The following TBXAS1 variants were observed in gnomAD, a reference collection of about 807,000 sequenced individuals.
The protein encoded by TBXAS1 is thromboxane A synthase 1, also known as thromboxane-A synthase.
In TBXAS1, 48 loss-of-function variants were observed where a neutral mutation model predicts 60.7. The observed-to-expected ratio is 0.79, with a 90% CI of 0.63 to 1.01. The LOEUF (loss-of-function observed/expected upper bound fraction) is 1.01, where lower values mean the gene tolerates loss of function less well. Ranked by LOEUF, TBXAS1 falls within the 50% of genes least tolerant of loss-of-function variation. The pLI is 0.00. For synonymous variants in TBXAS1, 287 were observed against 269.7 expected (o/e 1.06, Z -0.63); for missense variants, 685 against 686.3 (o/e 1.00, Z 0.02).
At chr7:139,940,196 T>A (rs1473222448) in intron 5 of TBXAS1, among the ~76,000 whole-genome samples, 1 of 152,150 alleles carries the variant, frequency 6.6e-6, no homozygotes, top group East Asian at 1.9e-4. Context: ...TAAGCCATGG[T>A]GTAGACAGGA....
Position 139,911,306 on chromosome 7 carries a change from C to T in TBXAS1, c.318C>T (p.Asn106=). 6.2e-7 allele frequency: 1 copy of T among 1,614,036 alleles called. No homozygotes were observed. The highest frequency in any genetic ancestry group is 8.5e-7 in the Non-Finnish European group (1 of 1,179,914). Residue 106 remains asparagine (N), a synonymous_variant, in exon 4 of 13, where the codon AAC becomes AAT. Coordinates refer to ENST00000448866, the MANE Select transcript of TBXAS1 (RefSeq NM_001061.7). ...AGGTGTTGGTTGAGAACTTCAGTAA[C>T]TTTACCAACAGAATGGTACGTAGTT... The part of the protein sequence containing the change: ...IKQVLVENFS[N]FTNRMASGLE...
intron 4 of TBXAS1, among the ~76,000 whole-genome samples, chr7:139,794,823 G>T (rs1797507724): frequency 6.6e-6 from 1 of 151,070 alleles, no homozygotes; most frequent in African/African-American, 2.5e-5. Flanking sequence ...TTTCATCCAT[G>T]TCCCTACAAA....
intron 4 of TBXAS1, among the ~76,000 whole-genome samples, chr7:139,815,760 C>T (rs1179886978): frequency 1.3e-5 from 2 of 152,106 alleles, no homozygotes; most frequent in Admixed American, 1.3e-4. Flanking sequence ...GAGGAGGTCA[C>T]TTCAGAGGAG....
chr7:139,905,030 T>TCTTC (rs1269421463), intron 3 of TBXAS1, among the ~76,000 whole-genome samples: 19 of 86,818 alleles, frequency 2.2e-4, no homozygotes, highest in Admixed American at 3.7e-4. Flanking sequence ...TTTCTTTCTT[T>TCTTC]CTTTCTTTCT....
At chr7:139,960,220 G>T (rs993020970) in intron 8 of TBXAS1, among the ~76,000 whole-genome samples, 2 of 152,270 alleles carry the variant, frequency 1.3e-5, no homozygotes, top group African/African-American at 2.4e-5. Context: ...AAGTCACAAG[G>T]CTGGGGTGCA....
Position 140,015,771 on chromosome 7 carries a change from C to A in TBXAS1, c.1275C>A (p.Ile425=). The change falls in exon 11 of 13, where the codon ATC becomes ATA. Residue 425 remains isoleucine (I), a synonymous_variant. Transcript: ENST00000448866. ...AQDCEVLGQR[I]PAGAVLEMAV... Reference sequence around the variant, plus strand: ...ACTGCGAGGTGCTGGGGCAGCGCATCCCCGCAGGCGCTGTGCTAGAGATGG... The same window carrying A: ...ACTGCGAGGTGCTGGGGCAGCGCATACCCGCAGGCGCTGTGCTAGAGATGG... 6.2e-7 allele frequency: 1 copy of A among 1,613,634 alleles called. No individual in the cohort carries two copies. The highest frequency in any genetic ancestry group is 8.5e-7 in the Non-Finnish European group (1 of 1,180,036).
rs546163442 is a variant in TBXAS1, at chr7:140,004,918, C to A, written c.1135-2173C>A. Among the ~76,000 whole-genome samples the A allele has an allele frequency of 1.4e-3, 209 of 152,340 alleles. No individual in the cohort carries two copies. The highest frequency in any genetic ancestry group is 5.0e-3 in the African/African-American group (207 of 41,590). ...CAGCCTAGGGCAGGGACGGCCACCA[C>A]CATGCCAACCCGAGATGCTGCAGGG... On this transcript the variant is annotated intron_variant, in intron 9 of 12. Coordinates refer to ENST00000448866, the MANE Select transcript of TBXAS1 (RefSeq NM_001061.7). The surrounding 1 kb of genome is among the most constrained non-coding windows in gnomAD (Gnocchi z 5.1).
intron 6 of TBXAS1, 98 bp downstream of exon 6, chr7:139,953,554 T>C (rs1809586457): frequency 8.6e-7 from 1 of 1,163,340 alleles, no homozygotes; most frequent in African/African-American, 1.5e-5. Context: ...ACTAGCAAAC[T>C]GTGGAAACGC....
At chr7:139,841,756 C>T (rs1041435436) in intron 1 of TBXAS1, among the ~76,000 whole-genome samples, 2 of 152,138 alleles carry the variant, frequency 1.3e-5, no homozygotes, top group Admixed American at 1.3e-4. Flanking sequence ...ATTATTTTAG[C>T]ATACACTCCA....
chr7:139,799,096 G>A (rs1263392605), intron 4 of TBXAS1, among the ~76,000 whole-genome samples: 6 of 115,402 alleles, frequency 5.2e-5, no homozygotes, highest in Non-Finnish European at 6.6e-5. Flanking sequence ...TTTTTTTTCC[G>A]ACAGTCTCAC....
intron 9 of TBXAS1, among the ~76,000 whole-genome samples, chr7:140,003,644 G>T (rs1432423963): frequency 6.6e-6 from 1 of 152,108 alleles, no homozygotes; most frequent in African/African-American, 2.4e-5. Context: ...TTGACAAACC[G>T]TGACAACTTA....
At chr7:139,934,498 T>C (rs960898993) in intron 4 of TBXAS1, among the ~76,000 whole-genome samples, 7 of 152,118 alleles carry the variant, frequency 4.6e-5, no homozygotes, top group Admixed American at 2.0e-4. Flanking sequence ...GCAAAGTCTT[T>C]TTCATTCAAC....
At chr7:139,864,574 A>G (rs1445765496) in intron 1 of TBXAS1, among the ~76,000 whole-genome samples, 1 of 152,196 alleles carries the variant, frequency 6.6e-6, no homozygotes, top group Non-Finnish European at 1.5e-5. Flanking sequence ...AGTAAGAAAA[A>G]AAGACAAAAA....
upstream of TBXAS1, among the ~76,000 whole-genome samples, chr7:139,826,200 C>A (rs910789008): frequency 7.2e-5 from 11 of 152,088 alleles, no homozygotes; most frequent in African/African-American, 2.7e-4. Flanking sequence ...CAGGTGACCC[C>A]TGGAAAAAAC....
At chr7:140,014,095 T>C (rs910219629) in intron 10 of TBXAS1, among the ~76,000 whole-genome samples, 4 of 152,154 alleles carry the variant, frequency 2.6e-5, no homozygotes, top group African/African-American at 9.7e-5. Context: ...CAAAACTGCA[T>C]GTCAGAGACA....
intron 9 of TBXAS1, among the ~76,000 whole-genome samples, chr7:139,966,141 A>T (rs769000643): frequency 6.6e-6 from 1 of 152,116 alleles, no homozygotes; most frequent in African/African-American, 2.4e-5. Flanking sequence ...CTTCTGTGAC[A>T]TCCCTGTAGA....
In TBXAS1 at chr7:139,938,436, C is replaced by T. The variant is rs536564993; in HGVS notation, c.450+2129C>T. On this transcript the variant is annotated intron_variant, in intron 5 of 12. Coordinates refer to ENST00000448866, the MANE Select transcript of TBXAS1 (RefSeq NM_001061.7). ...TGGGAACCACCACCAGTAGAAGTTC[C>T]CCACAAGGACATGAGAGGAAAGGGG... Among the ~76,000 whole-genome samples, 10 of 152,298 alleles carry T rather than the reference C, an allele frequency of 6.6e-5. No homozygotes were observed. In the South Asian group the frequency reaches 2.1e-3, roughly 32 times the overall value.
intron 3 of TBXAS1, among the ~76,000 whole-genome samples, chr7:139,907,907 A>T (rs1805231349): frequency 6.6e-6 from 1 of 151,970 alleles, no homozygotes; most frequent in South Asian, 2.1e-4. Context: ...TTTTCATAGA[A>T]TTGGTCAATT....
chr7:139,788,809 G>A (rs1344786498), intron 4 of TBXAS1, among the ~76,000 whole-genome samples: 1 of 152,246 alleles, frequency 6.6e-6, no homozygotes, highest in African/African-American at 2.4e-5. Flanking sequence ...TTAGACAACA[G>A]TTAATACAAA....
Sources: gnomAD v4.1 joint callset for allele counts (sites outside exome capture counted in the v4.1 genomes callset) on GRCh38, gnomAD v4.1.1 for gene constraint, Gnocchi (gnomAD v3.1) non-coding constraint, MANE v1.5 for transcripts, NCBI Gene and HGNC (gene_info 2026-07-23, HGNC 2026-07-21) for gene names.